The following ST6GALNAC5 variants were observed in gnomAD, a reference collection of about 807,000 sequenced individuals.
ST6GALNAC5 encodes the protein alpha-N-acetylgalactosaminide alpha-2,6-sialyltransferase 5.
In ST6GALNAC5, 27 loss-of-function variants were observed where a neutral mutation model predicts 33.6. That is an observed-to-expected ratio of 0.80 (90% CI 0.59 to 1.11). ST6GALNAC5 has a LOEUF of 1.11. Among genes scored for constraint, ST6GALNAC5 ranks in the 50% least tolerant of loss-of-function variants. ST6GALNAC5 has a pLI of 0.00. For missense variants in ST6GALNAC5, 428 were observed against 454.0 expected, an observed-to-expected ratio of 0.94 and a Z score of 0.52; for synonymous variants, 194 against 171.2, an observed-to-expected ratio of 1.13 and a Z score of -1.04.
intron 2 of ST6GALNAC5, among the ~76,000 whole-genome samples, chr1:76,887,012 A>G (rs976852426): frequency 2.6e-5 from 4 of 152,186 alleles, no homozygotes; most frequent in Admixed American, 2.0e-4. Context: ...TGCGATGAAC[A>G]CTGGTGTTCC....
intron 2 of ST6GALNAC5, among the ~76,000 whole-genome samples, chr1:77,006,321 A>ATTTTT (rs71075723): frequency 3.2e-5 from 3 of 92,820 alleles, no homozygotes; most frequent in African/African-American, 8.4e-5. Flanking sequence ...CACCCGGCTA[A>ATTTTT]TTTTTTTTTT....
At chr1:76,915,661 G>A (rs1254873766) in intron 2 of ST6GALNAC5, among the ~76,000 whole-genome samples, 1 of 149,650 alleles carries the variant, frequency 6.7e-6, no homozygotes, top group Non-Finnish European at 1.5e-5. Context: ...CATGGACACA[G>A]GAAGGGGAAC....
At chr1:76,969,691 GTT>G (rs1172725857) in intron 2 of ST6GALNAC5, among the ~76,000 whole-genome samples, 2 of 152,160 alleles carry the variant, frequency 1.3e-5, no homozygotes, top group African/African-American at 2.4e-5. Context: ...CCAGCATGGT[GTT>G]TGAGCTCAGA....
chr1:76,943,334 A>G (rs1012201440), intron 2 of ST6GALNAC5, among the ~76,000 whole-genome samples: 2 of 152,114 alleles, frequency 1.3e-5, no homozygotes, highest in Non-Finnish European at 2.9e-5. Flanking sequence ...CTAGACTGCC[A>G]TCACAGAATC....
At chr1:76,997,259 G>C (rs976469194) in intron 2 of ST6GALNAC5, among the ~76,000 whole-genome samples, 1 of 152,196 alleles carries the variant, frequency 6.6e-6, no homozygotes, top group South Asian at 2.1e-4. Context: ...CACAGAGTTT[G>C]TACAGTTTCG....
chr1:77,061,939 A>G (rs1652590049), intron 4 of ST6GALNAC5, among the ~76,000 whole-genome samples: 1 of 152,140 alleles, frequency 6.6e-6, no homozygotes, highest in Non-Finnish European at 1.5e-5. Flanking sequence ...GGACTAAAAG[A>G]CTGTAGACTT....
chr1:76,868,898 C>A lies in ST6GALNAC5; in HGVS notation c.261+156C>A. On this transcript the variant is annotated intron_variant, in intron 2 of 4. Coordinates refer to ENST00000477717, the MANE Select transcript of ST6GALNAC5 (RefSeq NM_030965.3). The surrounding 1 kb of genome is among the most constrained non-coding windows in gnomAD (Gnocchi z 4.3). ...CTGGGGTAGGGTGGGCTAGTTCCAACTTGGTATGAATTCTTATTTGGAGAA... is the reference window on the plus strand; with the variant it reads ...CTGGGGTAGGGTGGGCTAGTTCCAAATTGGTATGAATTCTTATTTGGAGAA... 1 of 1,203,404 alleles carries A rather than the reference C, an allele frequency of 8.3e-7. No individual in the cohort carries two copies. The highest frequency in any genetic ancestry group is 1.1e-6 in the Non-Finnish European group (1 of 904,468). The allele number at this position is 1,203,404 out of a possible 1,614,324, so 74.5% of individuals were successfully genotyped here.
chr1:76,958,561 C>A (rs182466910), intron 2 of ST6GALNAC5, among the ~76,000 whole-genome samples: 29 of 152,210 alleles, frequency 1.9e-4, no homozygotes, highest in African/African-American at 6.3e-4. Context: ...TAATTGATTT[C>A]TTGGATCAAG....
intron 2 of ST6GALNAC5, among the ~76,000 whole-genome samples, chr1:76,960,041 T>C (rs1041178102): frequency 6.6e-6 from 1 of 152,204 alleles, no homozygotes; most frequent in Non-Finnish European, 1.5e-5. Flanking sequence ...TCAGGTCCTC[T>C]TCATTTTCTT....
chr1:76,868,956 G>A lies in ST6GALNAC5; in HGVS notation c.261+214G>A. The stretch of plus-strand genomic sequence containing the variant: ...AAGTTTTGTAGAAAATAGGGGTGAG[G>A]TGCGTGGACCCCAAAGCCTAATTTC... On this transcript the variant is annotated intron_variant, in intron 2 of 4. Coordinates refer to ENST00000477717, the MANE Select transcript of ST6GALNAC5 (RefSeq NM_030965.3). The surrounding 1 kb of genome is among the most constrained non-coding windows in gnomAD (Gnocchi z 4.3). 1 of 741,664 alleles carries A rather than the reference G, an allele frequency of 1.3e-6. No individual in the cohort carries two copies. Among genetic ancestry groups the A allele is most frequent in the Non-Finnish European group, 2.0e-6 (1 of 503,640 alleles). 45.9% of individuals were successfully genotyped at this position (741,664 alleles called of 1,614,324 possible).
chr1:76,924,134 C>T (rs979247676), intron 2 of ST6GALNAC5, among the ~76,000 whole-genome samples: 7 of 151,988 alleles, frequency 4.6e-5, no homozygotes, highest in African/African-American at 1.7e-4. Context: ...AGGAAAGGAC[C>T]TTTACCTCCA....
In ST6GALNAC5 at chr1:77,065,541, T is replaced by G. The variant is rs1343005221; in HGVS notation, c.*2335T>G. 6.6e-6 allele frequency: 1 copy of G among 152,206 alleles called. No individual in the cohort carries two copies. The highest frequency in any genetic ancestry group is 1.5e-5 in the Non-Finnish European group (1 of 68,042). The allele number at this position is 152,206 out of a possible 1,614,324, so 9.4% of individuals were successfully genotyped here. ...TGTGGTGTAAATAAGTGTAAAAAAT[T>G]ACCACTTGCAAAGTGGTTTTATTAC... On this transcript the variant is annotated 3_prime_UTR_variant, in exon 5 of 5. Coordinates refer to ENST00000477717, the MANE Select transcript of ST6GALNAC5 (RefSeq NM_030965.3).
At chr1:77,043,806 C>A (rs1289401639) in intron 2 of ST6GALNAC5, among the ~76,000 whole-genome samples, 1 of 152,086 alleles carries the variant, frequency 6.6e-6, no homozygotes, top group Admixed American at 6.5e-5. Flanking sequence ...TTTTGAAAGC[C>A]GGAAGCACAA....
intron 2 of ST6GALNAC5, among the ~76,000 whole-genome samples, chr1:76,954,791 A>C (rs1238417048): frequency 6.6e-6 from 1 of 152,164 alleles, no homozygotes; most frequent in African/African-American, 2.4e-5. Flanking sequence ...TAGTAGAATA[A>C]TCATGGCCTC....
chr1:76,974,839 A>G lies in ST6GALNAC5; in HGVS notation c.262-69365A>G, dbSNP rs180903979. On this transcript the variant is annotated intron_variant, in intron 2 of 4. Transcript: ENST00000477717. Reference sequence around the variant, plus strand: ...CTCTTGTTGCCTAAGCTGGAGTGCAATAACGTGATCTCAGCTCACTGCAGC... The same window carrying G: ...CTCTTGTTGCCTAAGCTGGAGTGCAGTAACGTGATCTCAGCTCACTGCAGC... Among the ~76,000 whole-genome samples, 291 of 120,692 alleles carry G rather than the reference A, an allele frequency of 2.4e-3. 1 individual carries two copies. Among genetic ancestry groups the G allele is most frequent in the African/African-American group, 8.8e-3 (272 of 30,752 alleles). 79.2% of individuals were successfully genotyped at this position (120,692 alleles called of 152,430 possible).
chr1:76,886,868 G>C (rs946414327), intron 2 of ST6GALNAC5, among the ~76,000 whole-genome samples: 1 of 152,102 alleles, frequency 6.6e-6, no homozygotes, highest in African/African-American at 2.4e-5. Context: ...CTGTGTTGTA[G>C]CATGTATCAG....
chr1:76,904,871 C>T (rs550069113), intron 2 of ST6GALNAC5, among the ~76,000 whole-genome samples: 131 of 151,948 alleles, frequency 8.6e-4, no homozygotes, highest in Admixed American at 3.1e-3. Context: ...CAATATGATT[C>T]CATTTACATA....
At chr1:77,059,042 T>A (rs1652490075) in intron 4 of ST6GALNAC5, among the ~76,000 whole-genome samples, 2 of 152,246 alleles carry the variant, frequency 1.3e-5, no homozygotes, top group African/African-American at 4.8e-5. Flanking sequence ...GCTTTGTTGT[T>A]ATGATATGTA....
chr1:76,974,859 T>C (rs1648941273), intron 2 of ST6GALNAC5, among the ~76,000 whole-genome samples: 1 of 133,150 alleles, frequency 7.5e-6, no homozygotes, highest in Admixed American at 8.6e-5. Context: ...CTCAGCTCAC[T>C]GCAGCAACTT....
Sources: gnomAD v4.1 joint callset for allele counts (sites outside exome capture counted in the v4.1 genomes callset) on GRCh38, gnomAD v4.1.1 for gene constraint, Gnocchi (gnomAD v3.1) non-coding constraint, MANE v1.5 for transcripts, NCBI Gene and HGNC (gene_info 2026-07-23, HGNC 2026-07-21) for gene names.